PAPSS1: variants seen among roughly 807,000 people sequenced by gnomAD.
The protein encoded by PAPSS1 is 3'-phosphoadenosine 5'-phosphosulfate synthase 1, also known as bifunctional 3'-phosphoadenosine 5'-phosphosulfate synthase 1.
PAPSS1 carries 50 observed loss-of-function variants against 72.0 expected under a neutral mutation model. The observed-to-expected ratio is 0.69, with a 90% confidence interval of 0.55 to 0.88. PAPSS1 has a LOEUF of 0.88. Among genes scored for constraint, PAPSS1 ranks in the 40% least tolerant of loss-of-function variants. The pLI is 0.00. For synonymous variants in PAPSS1, 261 were observed against 263.6 expected, an observed-to-expected ratio of 0.99 and a Z score of 0.09; for missense variants, 657 against 782.2, an observed-to-expected ratio of 0.84 and a Z score of 1.91.
At chr4:107,706,455 A>G (rs1232755667) in intron 1 of PAPSS1, among the ~76,000 whole-genome samples, 1 of 151,952 alleles carries the variant, frequency 6.6e-6, no homozygotes, top group Non-Finnish European at 1.5e-5. Flanking sequence ...CAGCTCTAGA[A>G]TTTTTTATTT....
chr4:107,626,722 T>C (rs1165466461), intron 11 of PAPSS1, among the ~76,000 whole-genome samples: 2 of 152,204 alleles, frequency 1.3e-5, no homozygotes, highest in African/African-American at 4.8e-5. Flanking sequence ...GTAACATCCA[T>C]TAATCAAACA....
intron 5 of PAPSS1, among the ~76,000 whole-genome samples, chr4:107,671,654 T>C (rs578104697): frequency 6.6e-6 from 1 of 152,152 alleles, no homozygotes; most frequent in Non-Finnish European, 1.5e-5. Context: ...CTGAGAGGAA[T>C]TGGTTCCAGG....
intron 10 of PAPSS1, among the ~76,000 whole-genome samples, chr4:107,643,349 A>G (rs1172720059): frequency 6.6e-6 from 1 of 152,200 alleles, no homozygotes; most frequent in East Asian, 1.9e-4. Context: ...TCCCATGGGC[A>G]GCCAACCCCT....
intron 5 of PAPSS1, among the ~76,000 whole-genome samples, chr4:107,660,434 T>A (rs1347715578): frequency 1.3e-5 from 2 of 152,142 alleles, no homozygotes; most frequent in Non-Finnish European, 2.9e-5. Flanking sequence ...CTTTACCATA[T>A]CACGAAACCA....
chr4:107,709,888 GC>G (rs1553922737), intron 1 of PAPSS1, among the ~76,000 whole-genome samples: 1 of 152,206 alleles, frequency 6.6e-6, no homozygotes, highest in Non-Finnish European at 1.5e-5. Flanking sequence ...AGCTGGCTCT[GC>G]ATGAATTAAA....
In PAPSS1 at chr4:107,614,083, C is replaced by G. The variant is rs556257181; in HGVS notation, c.*166G>C. Reference sequence around the variant, plus strand: ...AAACCATCAGTGTGTTACACTTGTTCAAAACAGAACTCATAAGGCAGACCA... The same window carrying G: ...AAACCATCAGTGTGTTACACTTGTTGAAAACAGAACTCATAAGGCAGACCA... On this transcript the variant is annotated 3_prime_UTR_variant, in exon 12 of 12. Coordinates refer to ENST00000265174, the MANE Select transcript of PAPSS1 (RefSeq NM_005443.5). The G allele has an allele frequency of 1.4e-4, 71 of 516,886 alleles. 1 individual carries two copies. The South Asian group carries it at 2.9e-3, about 21-fold the overall frequency. 32.0% of individuals were successfully genotyped at this position (516,886 alleles called of 1,614,324 possible).
intron 1 of PAPSS1, among the ~76,000 whole-genome samples, chr4:107,710,605 C>G (rs539437345): frequency 6.6e-6 from 1 of 152,322 alleles, no homozygotes; most frequent in East Asian, 1.9e-4. Flanking sequence ...CAGCAGCTCT[C>G]TCATCAGCAG....
intron 5 of PAPSS1, among the ~76,000 whole-genome samples, chr4:107,672,238 G>A (rs57057593): frequency 0.18 from 27,533 of 152,070 alleles, 2,933 homozygotes; most frequent in East Asian, 0.37. Flanking sequence ...TGGGTGCAGC[G>A]CACCAAGCAT....
At chr4:107,687,311 G>GA (rs898708745) in intron 3 of PAPSS1, 134 bp from the exon 4 acceptor site, 539 of 613,126 alleles carry the variant, frequency 8.8e-4, no homozygotes, top group Middle Eastern at 1.4e-3. Context: ...AATATAAACT[G>GA]AAAAAAAAAT....
At chr4:107,628,928 TAC>T (rs1000975155) in intron 11 of PAPSS1, among the ~76,000 whole-genome samples, 4 of 152,174 alleles carry the variant, frequency 2.6e-5, no homozygotes, top group Non-Finnish European at 5.9e-5. Context: ...ACTTTAAACT[TAC>T]AGAGTGTACT....
intron 7 of PAPSS1, among the ~76,000 whole-genome samples, chr4:107,656,204 T>C (rs1299895431): frequency 1.3e-5 from 2 of 152,008 alleles, no homozygotes; most frequent in Non-Finnish European, 2.9e-5. Context: ...CACCCTCCAC[T>C]TCCTAGGTTC....
At chr4:107,672,199 G>A (rs545240973) in intron 5 of PAPSS1, among the ~76,000 whole-genome samples, 1 of 152,298 alleles carries the variant, frequency 6.6e-6, no homozygotes, top group East Asian at 1.9e-4. Flanking sequence ...CATCTCACTG[G>A]GGAGTGTCAG....
rs772666264 is a variant in PAPSS1 at position 107,614,253 on chromosome 4, G to A, written c.1871C>T (p.Ala624Val). Residue 624 changes from alanine to valine, a missense_variant, in exon 12 of 12, where the codon GCT (alanine) becomes GTT (valine). Transcript: ENST00000265174. ...LTEYYKSLEKA is the reference protein window; with the variant it reads ...LTEYYKSLEKV ...TGGAGTGACTGGGTTAACAGCCTAA[G>A]CTTTCTCCAAGGATTTGTAGTATTC... The A allele has an allele frequency of 2.5e-6, 4 of 1,613,250 alleles. No homozygotes were observed. The South Asian group carries it at 4.4e-5, about 18-fold the overall frequency.
chr4:107,664,531 C>T (rs1727265969), intron 5 of PAPSS1, among the ~76,000 whole-genome samples: 1 of 152,142 alleles, frequency 6.6e-6, no homozygotes. Context: ...CCTGGAGACC[C>T]CACAACACTG....
At chr4:107,649,739 A>G (rs1726788422) in intron 9 of PAPSS1, among the ~76,000 whole-genome samples, 1 of 152,252 alleles carries the variant, frequency 6.6e-6, no homozygotes, top group African/African-American at 2.4e-5. Flanking sequence ...TAATTCAGCA[A>G]CGCTATAAAG....
intron 1 of PAPSS1, among the ~76,000 whole-genome samples, chr4:107,703,961 T>C (rs541737000): frequency 2.6e-5 from 4 of 152,232 alleles, no homozygotes; most frequent in Non-Finnish European, 5.9e-5. Flanking sequence ...TTAACAATAT[T>C]AATTCTTTCA....
intron 1 of PAPSS1, among the ~76,000 whole-genome samples, chr4:107,709,444 T>G (rs539522984): frequency 6.6e-6 from 1 of 152,168 alleles, no homozygotes; most frequent in Non-Finnish European, 1.5e-5. Flanking sequence ...ATAATACTAC[T>G]TCCCCAAAAG....
intron 4 of PAPSS1, among the ~76,000 whole-genome samples, chr4:107,686,462 C>G (rs1273881159): frequency 2.0e-5 from 3 of 151,888 alleles, no homozygotes; most frequent in East Asian, 3.9e-4. Context: ...ACTGTTTCTT[C>G]TGGAATATAT....
At chr4:107,657,765 T>C (rs866171679) in intron 6 of PAPSS1, among the ~76,000 whole-genome samples, 13 of 151,708 alleles carry the variant, frequency 8.6e-5, no homozygotes, top group African/African-American at 2.9e-4. Flanking sequence ...AAAGAAGTCA[T>C]TGGGAGACAA....
Sources: allele counts gnomAD v4.1 joint callset (sites outside exome capture counted in the v4.1 genomes callset), GRCh38; gene constraint gnomAD v4.1.1; transcripts MANE v1.5; gene names NCBI Gene and HGNC (gene_info 2026-07-23, HGNC 2026-07-21).